Variants in AP1M2 observed in about 807,000 individuals in gnomAD.
AP1M2 encodes adaptor related protein complex 1 subunit mu 2, also known as AP-1 complex subunit mu-2.
In AP1M2, 41 loss-of-function variants were observed where a neutral mutation model predicts 54.6. The observed-to-expected ratio is 0.75, with a 90% CI of 0.59 to 0.97. The LOEUF is 0.97. Among genes scored for constraint, AP1M2 ranks in the 50% least tolerant of loss-of-function variants. The pLI is 0.00. For missense variants in AP1M2, 507 were observed against 561.2 expected (o/e 0.90, Z 0.98); for synonymous variants, 219 against 215.9 (o/e 1.01, Z -0.13).
At position 10,572,730 on chromosome 19, in the gene AP1M2, G is replaced by A. The variant is rs1243448975; in HGVS notation, c.*336C>T. 3.6e-6 allele frequency: 1 copy of A among 274,830 alleles called. No homozygotes were observed. Among genetic ancestry groups the A allele is most frequent in the Admixed American group, 4.7e-5 (1 of 21,436 alleles). 17.0% of individuals were successfully genotyped at this position (274,830 alleles called of 1,614,324 possible). ...GAGGAGGGGCCAGCGGGACCTCTGG[G>A]CTCAGCGGCTGTGAAGGAGGGACCC... On this transcript the variant is annotated 3_prime_UTR_variant, in exon 12 of 12. Coordinates refer to ENST00000250244, the MANE Select transcript of AP1M2 (RefSeq NM_005498.5).
rs1039912154 is a variant in AP1M2 at position 10,579,019 on chromosome 19, T to C, written c.817-56A>G. ...AGACTCCATGTTGACTCTCTTCTTT[T>C]TTTTTTTTTTTTTTTCTTTCTTTGA... On this transcript the variant is annotated intron_variant, in intron 7 of 11. Transcript: ENST00000250244. 16 of 1,223,198 alleles carry C rather than the reference T, an allele frequency of 1.3e-5. No homozygotes were observed. In the East Asian group the frequency reaches 1.6e-4, roughly 12 times the overall value. 75.8% of individuals were successfully genotyped at this position (1,223,198 alleles called of 1,614,324 possible).
Position 10,581,560 on chromosome 19 carries a change from G to T in AP1M2, c.473C>A (p.Ser158Tyr), listed in dbSNP as rs1005693095. The T allele has an allele frequency of 3.1e-6, 5 of 1,613,750 alleles. No homozygotes were observed. The Admixed American group carries it at 6.7e-5, about 22-fold the overall frequency. Residue 158 changes from serine to tyrosine, a missense_variant, in exon 5 of 12, where the codon TCC becomes TAC. Ser to Tyr is a moderately radical substitution (Grantham distance 144). Coordinates refer to ENST00000250244, the MANE Select transcript of AP1M2 (RefSeq NM_005498.5). ...ATACTTGATACCCTCGGAGCGCCAG[G>T]ACACAGCGTTGGTGACAGTGGGTGG... ...RVPPTVTNAV[S>Y]WRSEGIKYKK...
Position 10,581,351 on chromosome 19 carries a change from A to G in AP1M2, c.588T>C (p.Gly196=). The G allele has an allele frequency of 6.2e-7, 1 of 1,613,536 alleles. No individual in the cohort carries two copies. The highest frequency in any genetic ancestry group is 1.3e-5 in the African/African-American group (1 of 75,044). ...ACAGAAACACCTTGAGCTTGATGGT[A>G]CCGACGATTTCGCTCAGAAGGACGC... ...NGSVLLSEIV[G]TIKLKVFLSG... Residue 196 remains glycine (G), a synonymous_variant, in exon 6 of 12, where the codon GGT becomes GGC. Transcript: ENST00000250244.
chr19:10,573,660 C>CTT (rs35697396), intron 11 of AP1M2, among the ~76,000 whole-genome samples: 14,171 of 109,378 alleles, frequency 0.13, 1,209 homozygotes, highest in East Asian at 0.16. Context: ...CTTTTTTTTC[C>CTT]TTTTTTTTTT....
chr19:10,583,778 G>T, intron 2 of AP1M2, 105 bp from the exon 3 acceptor site: 1 of 1,477,342 alleles, frequency 6.8e-7, no homozygotes, highest in Non-Finnish European at 9.2e-7. Context: ...ATCTCTACCT[G>T]CCCCTGCCCC....
At chr19:10,582,171 G>A (rs1917488404) in intron 3 of AP1M2, among the ~76,000 whole-genome samples, 1 of 152,022 alleles carries the variant, frequency 6.6e-6, no homozygotes, top group South Asian at 2.1e-4. Context: ...AGCCTTCTGA[G>A]TAGCTGGGAC....
In AP1M2 at chr19:10,574,942, T is replaced by A. The variant is rs555968863; in HGVS notation, c.1135A>T (p.Lys379Ter). 1.3e-6 allele frequency: 2 copies of A among 1,599,706 alleles called. No homozygotes were observed. Among genetic ancestry groups the A allele is most frequent in the Non-Finnish European group, 1.7e-6 (2 of 1,171,918 alleles). Residue 379 changes from lysine to a stop codon, truncating the protein, a stop_gained, in exon 10 of 12, where the codon AAG (lysine) becomes TAG (stop). Transcript: ENST00000250244. LOFTEE classifies it high-confidence loss of function. ...EVEGRPPIGV[K>*]FEIPYFTVSG... Reference sequence around the variant, plus strand: ...ACGGTGAAGTAGGGGATCTCAAACTTGACCCCGATGGGGGGCCGGCCCTCC... The same window carrying A: ...ACGGTGAAGTAGGGGATCTCAAACTAGACCCCGATGGGGGGCCGGCCCTCC...
intron 6 of AP1M2, among the ~76,000 whole-genome samples, chr19:10,580,213 G>A (rs565265877): frequency 1.5e-4 from 23 of 152,060 alleles, no homozygotes; most frequent in African/African-American, 4.8e-4. Context: ...TACCACCCCC[G>A]GCTAATTTTG....
chr19:10,584,333 C>T (rs1215375288), intron 1 of AP1M2, among the ~76,000 whole-genome samples: 11 of 152,306 alleles, frequency 7.2e-5, no homozygotes, highest in African/African-American at 1.9e-4. Context: ...GTGATCCCAG[C>T]ATTTTGGGAG....
Position 10,577,369 on chromosome 19 carries a change from C to G in AP1M2, c.889-13G>C. The stretch of plus-strand genomic sequence containing the variant: ...ACTGCCCCTTGGCCTGTCAGGGGAG[C>G]GAGCATGGGGCACGAAGAATTCGCT... On this transcript the variant is annotated splice_polypyrimidine_tract_variant and intron_variant, in intron 8 of 11. Coordinates refer to ENST00000250244, the MANE Select transcript of AP1M2 (RefSeq NM_005498.5). 1 of 1,533,002 alleles carries G rather than the reference C, an allele frequency of 6.5e-7. No homozygotes were observed. Among genetic ancestry groups the G allele is most frequent in the Middle Eastern group, 1.8e-4 (1 of 5,454 alleles). 95.0% of individuals were successfully genotyped at this position (1,533,002 alleles called of 1,614,324 possible).
chr19:10,572,898 A>C lies in AP1M2; in HGVS notation c.*168T>G. On this transcript the variant is annotated 3_prime_UTR_variant, in exon 12 of 12. Coordinates refer to ENST00000250244, the MANE Select transcript of AP1M2 (RefSeq NM_005498.5). ...GCAGAGAGAGTTTCTCTCCCAGCCT[A>C]TGGAATAAGGAAGAGGTGAGGAAGG... The C allele has an allele frequency of 3.3e-6, 2 of 598,072 alleles. No individual in the cohort carries two copies. The highest frequency in any genetic ancestry group is 2.8e-5 in the Admixed American group (1 of 35,544). The allele number at this position is 598,072 out of a possible 1,614,324, so 37.0% of individuals were successfully genotyped here. A position where few individuals can be genotyped will look rare whatever the true frequency, so the allele number is the denominator to read the frequency against.
Position 10,579,704 on chromosome 19 carries a change from A to G in AP1M2, c.816+12T>C, listed in dbSNP as rs1917369513. The G allele has an allele frequency of 1.2e-6, 2 of 1,610,460 alleles. No individual in the cohort carries two copies. Among genetic ancestry groups the G allele is most frequent in the Non-Finnish European group, 1.7e-6 (2 of 1,178,196 alleles). On this transcript the variant is annotated intron_variant, in intron 7 of 11. Transcript: ENST00000250244. ...ACCTACTCCACCCAGATGGGGCTGG[A>G]CCCTGCCTCACCTGGGTGCTGAGGC... is the stretch of plus-strand genomic sequence containing the variant.
rs1188908180 is a variant in AP1M2 at position 10,578,878 on chromosome 19, C to T, written c.888+14G>A. The T allele has an allele frequency of 1.3e-6, 2 of 1,599,448 alleles. No individual in the cohort carries two copies. Among genetic ancestry groups the T allele is most frequent in the African/African-American group, 1.3e-5 (1 of 74,476 alleles). ...AGATCATGCATTGTTAATAAGCATT[C>T]CCCCAAGGCCCACCTTGACCATGAT... On this transcript the variant is annotated intron_variant, in intron 8 of 11. Coordinates refer to ENST00000250244, the MANE Select transcript of AP1M2 (RefSeq NM_005498.5).
At position 10,583,901 on chromosome 19, in the gene AP1M2, G is replaced by A. The variant is rs773449488; in HGVS notation, c.199+13C>T. Reference sequence around the variant, plus strand: ...CCACACCCACCTCCAGGGACACCACGTGGGGTGGATACAGTAGAGGTTGCT... The same window carrying A: ...CCACACCCACCTCCAGGGACACCACATGGGGTGGATACAGTAGAGGTTGCT... On this transcript the variant is annotated intron_variant, in intron 2 of 11. Transcript: ENST00000250244. 34 of 1,589,162 alleles carry A rather than the reference G, an allele frequency of 2.1e-5. No individual in the cohort carries two copies. In the East Asian group the frequency reaches 3.9e-4, roughly 18 times the overall value.
intron 8 of AP1M2, 49 bp downstream of exon 8, chr19:10,578,843 C>T (rs770958365): frequency 9.2e-5 from 139 of 1,507,306 alleles, no homozygotes; most frequent in Middle Eastern, 3.4e-4. Context: ...TGAGCCACCG[C>T]ACCCACCCGA....
At chr19:10,577,121 C>T in intron 9 of AP1M2, 77 bp downstream of exon 9, 1 of 1,496,142 alleles carries the variant, frequency 6.7e-7, no homozygotes, top group African/African-American at 1.4e-5. Context: ...CTGCCTTGTT[C>T]TCATGGCTCC....
chr19:10,584,624 A>G (rs1568434372), intron 1 of AP1M2, among the ~76,000 whole-genome samples: 2 of 149,318 alleles, frequency 1.3e-5, no homozygotes, highest in African/African-American at 4.9e-5. Context: ...GTAAAGAAGG[A>G]AGGGAGGAAG....
At chr19:10,583,205 T>C (rs1397134020) in intron 3 of AP1M2, among the ~76,000 whole-genome samples, 1 of 151,748 alleles carries the variant, frequency 6.6e-6, no homozygotes, top group Non-Finnish European at 1.5e-5. Context: ...GAAGCTGGGA[T>C]TGGATGCCAA....
rs79741798 is a variant in AP1M2, at chr19:10,574,777, A to G, written c.1173+127T>C. On this transcript the variant is annotated intron_variant, in intron 10 of 11. Transcript: ENST00000250244. ...AGATAAAGGTAACATTGCTCTGGGA[A>G]AGACCAGGCAGCCTTCAGAGGAGTG... 10 of 1,291,906 alleles carry G rather than the reference A, an allele frequency of 7.7e-6. No individual in the cohort carries two copies. In the African/African-American group the frequency reaches 1.5e-4, roughly 20 times the overall value. The allele number at this position is 1,291,906 out of a possible 1,614,324, so 80.0% of individuals were successfully genotyped here.
Sources: gnomAD v4.1 joint callset for allele counts (sites outside exome capture counted in the v4.1 genomes callset) on GRCh38, gnomAD v4.1.1 for gene constraint, MANE v1.5 for transcripts, NCBI Gene and HGNC (gene_info 2026-07-23, HGNC 2026-07-21) for gene names.